The following OR56A1 variants were observed in gnomAD, a reference collection of about 807,000 sequenced individuals.
OR56A1 encodes the protein olfactory receptor 56A1.
For synonymous variants in OR56A1, 174 were observed against 159.1 expected (o/e 1.09, Z -0.70); for missense variants, 360 against 380.9 (o/e 0.94, Z 0.46).
At chr11:6,028,132 A>G (rs1208893906) in intron 1 of OR56A1, among the ~76,000 whole-genome samples, 1 of 152,126 alleles carries the variant, frequency 6.6e-6, no homozygotes, top group Non-Finnish European at 1.5e-5. Flanking sequence ...ATATAATTTG[A>G]GATGGATATT....
At chr11:6,029,175 A>G (rs1426105156) in intron 1 of OR56A1, among the ~76,000 whole-genome samples, 1 of 152,136 alleles carries the variant, frequency 6.6e-6, no homozygotes, top group African/African-American at 2.4e-5. Context: ...GAAATTACTT[A>G]ATGAGAATAA....
At chr11:6,033,847 G>T (rs1323982492), upstream of OR56A1, among the ~76,000 whole-genome samples, 1 of 152,132 alleles carries the variant, frequency 6.6e-6, no homozygotes. Context: ...ATTTTAAACT[G>T]CTCTTCTGAG....
intron 1 of OR56A1, among the ~76,000 whole-genome samples, chr11:6,028,920 T>C (rs1490851728): frequency 7.2e-6 from 1 of 138,002 alleles, no homozygotes; most frequent in Non-Finnish European, 1.7e-5. Flanking sequence ...ATAAAGAAAA[T>C]ATGGCATACA....
At chr11:6,031,738 C>G (rs577252114), upstream of OR56A1, among the ~76,000 whole-genome samples, 17 of 152,060 alleles carry the variant, frequency 1.1e-4, no homozygotes, top group Admixed American at 2.0e-4. Flanking sequence ...AATCGCCACA[C>G]ATAGATTTGT....
At position 6,020,615 on chromosome 11, in the gene OR56A1, G is replaced by A. The variant is rs1183390130; in HGVS notation, c.*6133C>T. ...TTCTAATTTGAATCTCAGTTTGGCT[G>A]TTGTTGTTATGTAGGAATGCTAGTG... On this transcript the variant is annotated 3_prime_UTR_variant, in exon 2 of 2. Coordinates refer to ENST00000641900, the MANE Select transcript of OR56A1 (RefSeq NM_001388488.1). The A allele has an allele frequency of 6.6e-6, 1 of 152,090 alleles. No individual in the cohort carries two copies. The highest frequency in any genetic ancestry group is 1.5e-5 in the Non-Finnish European group (1 of 67,960). 9.4% of individuals were successfully genotyped at this position (152,090 alleles called of 1,614,324 possible). A position where few individuals can be genotyped will look rare whatever the true frequency, so the allele number is the denominator to read the frequency against.
intron 1 of OR56A1, among the ~76,000 whole-genome samples, chr11:6,028,720 A>G (rs1848482082): frequency 6.6e-6 from 1 of 152,226 alleles, no homozygotes; most frequent in Admixed American, 6.5e-5. Flanking sequence ...AAAGGAAAAC[A>G]GTATGGAAAT....
Position 6,026,006 on chromosome 11 carries a change from T to C in OR56A1, c.*742A>G, listed in dbSNP as rs559595159. The stretch of plus-strand genomic sequence containing the variant: ...GACTTGATATTCAGTTCACTGAATG[T>C]GTAGCTTAAACATATAGGGAAAGTG... On this transcript the variant is annotated 3_prime_UTR_variant, in exon 2 of 2. Transcript: ENST00000641900. 6.6e-6 allele frequency: 1 copy of C among 152,334 alleles called. No individual in the cohort carries two copies. The highest frequency in any genetic ancestry group is 1.9e-4 in the East Asian group (1 of 5,174). 9.4% of individuals were successfully genotyped at this position (152,334 alleles called of 1,614,324 possible).
chr11:6,030,300 A>T (rs1848499797), intron 1 of OR56A1, among the ~76,000 whole-genome samples: 1 of 152,208 alleles, frequency 6.6e-6, no homozygotes, highest in South Asian at 2.1e-4. Context: ...AAAATATTTC[A>T]GTGGCTTCTC....
chr11:6,022,901 A>T lies in OR56A1; in HGVS notation c.*3847T>A, dbSNP rs1244131472. The T allele has an allele frequency of 6.6e-6, 1 of 152,196 alleles. No individual in the cohort carries two copies. The allele number at this position is 152,196 out of a possible 1,614,324, so 9.4% of individuals were successfully genotyped here. A position where few individuals can be genotyped will look rare whatever the true frequency, so the allele number is the denominator to read the frequency against. ...TGCTGATAGTGTAATATGTTATGAA[A>T]CACTAAGGATATTCACTATTCTTAT... is the stretch of plus-strand genomic sequence containing the variant. On this transcript the variant is annotated 3_prime_UTR_variant, in exon 2 of 2. Transcript: ENST00000641900.
At chr11:6,029,300 CTT>C (rs1374519939) in intron 1 of OR56A1, among the ~76,000 whole-genome samples, 2 of 152,146 alleles carry the variant, frequency 1.3e-5, no homozygotes, top group Non-Finnish European at 2.9e-5. Context: ...TTTTGTAAGA[CTT>C]ATAAATAATG....
chr11:6,027,291 C>A lies in OR56A1; in HGVS notation c.402G>T (p.Arg134=). ...DRYVAICHPL[R]YPSIITNQFV... is the part of the protein sequence containing the mutation. ...ATTGATTAGTGATGATGGATGGGTA[C>A]CGCAGTGGGTGGCAGATGGCCACAT... is the stretch of plus-strand genomic sequence containing the variant. The change falls in exon 2 of 2, where the codon CGG becomes CGT. Residue 134 remains arginine (R), a synonymous_variant. Coordinates refer to ENST00000641900, the MANE Select transcript of OR56A1 (RefSeq NM_001388488.1). 6 of 1,614,230 alleles carry A rather than the reference C, an allele frequency of 3.7e-6. No homozygotes were observed. The highest frequency in any genetic ancestry group is 5.1e-6 in the Non-Finnish European group (6 of 1,180,048).
intron 1 of OR56A1, among the ~76,000 whole-genome samples, chr11:6,028,499 C>T (rs528819844): frequency 1.3e-5 from 2 of 152,048 alleles, no homozygotes; most frequent in African/African-American, 4.8e-5. Context: ...TCAAATACCA[C>T]GTCATGGAGA....
rs115390999 is a variant in OR56A1, at chr11:6,021,586, T to C, written c.*5162A>G. 1.1e-3 allele frequency: 167 copies of C among 152,068 alleles called. No homozygotes were observed. Among genetic ancestry groups the C allele is most frequent in the African/African-American group, 3.0e-3 (124 of 41,530 alleles). The allele number at this position is 152,068 out of a possible 1,614,324, so 9.4% of individuals were successfully genotyped here. ...ATACTAATATTTTATAAGTAGAAAG[T>C]AGGTTCAAATGCAGTGTCACTCCAA... is the stretch of plus-strand genomic sequence containing the variant. On this transcript the variant is annotated 3_prime_UTR_variant, in exon 2 of 2. Transcript: ENST00000641900.
chr11:6,031,404 A>G (rs973842369), upstream of OR56A1, among the ~76,000 whole-genome samples: 1 of 152,198 alleles, frequency 6.6e-6, no homozygotes, highest in Non-Finnish European at 1.5e-5. Flanking sequence ...CAGAAAGATC[A>G]CTCTGGACAC....
In OR56A1 at chr11:6,026,746, A is replaced by T; in HGVS notation, c.*2T>A. On this transcript the variant is annotated 3_prime_UTR_variant, in exon 2 of 2. Coordinates refer to ENST00000641900, the MANE Select transcript of OR56A1 (RefSeq NM_001388488.1). The stretch of plus-strand genomic sequence containing the variant: ...AGGAGGTATTAGAAATGCTTTACAT[A>T]TTCACCTCCCTCTCTGCAGTAACTT... The T allele has an allele frequency of 6.5e-7, 1 of 1,533,606 alleles. No homozygotes were observed. The highest frequency in any genetic ancestry group is 8.9e-7 in the Non-Finnish European group (1 of 1,120,360). 95.0% of individuals were successfully genotyped at this position (1,533,606 alleles called of 1,614,324 possible).
Position 6,020,654 on chromosome 11 carries a change from A to C in OR56A1, c.*6094T>G, listed in dbSNP as rs890391282. ...GGAATGCTAGTGATTTTTGTACATT[A>C]ATTTTGTATCCTGCAACTTTACTAA... On this transcript the variant is annotated 3_prime_UTR_variant, in exon 2 of 2. Coordinates refer to ENST00000641900, the MANE Select transcript of OR56A1 (RefSeq NM_001388488.1). 1 of 152,000 alleles carries C rather than the reference A, an allele frequency of 6.6e-6. No individual in the cohort carries two copies. The highest frequency in any genetic ancestry group is 1.5e-5 in the Non-Finnish European group (1 of 67,928). 9.4% of individuals were successfully genotyped at this position (152,000 alleles called of 1,614,324 possible).
rs141422763 is a variant in OR56A1 at position 6,024,336 on chromosome 11, C to T, written c.*2412G>A. 3.4e-3 allele frequency: 515 copies of T among 152,252 alleles called. 6 individuals carry two copies. Among genetic ancestry groups the T allele is most frequent in the African/African-American group, 0.012 (496 of 41,538 alleles). The allele number at this position is 152,252 out of a possible 1,614,324, so 9.4% of individuals were successfully genotyped here. A position where few individuals can be genotyped will look rare whatever the true frequency, so the allele number is the denominator to read the frequency against. On this transcript the variant is annotated 3_prime_UTR_variant, in exon 2 of 2. Transcript: ENST00000641900. ...CTATGTACACCCAGTTTGAGTCAAG[C>T]ATCTCATAATTGTGTTGGCCATTTG...
At chr11:6,028,032 A>T (rs1011852957) in intron 1 of OR56A1, among the ~76,000 whole-genome samples, 1 of 152,174 alleles carries the variant, frequency 6.6e-6, no homozygotes, top group Non-Finnish European at 1.5e-5. Context: ...TTACCAGTGT[A>T]AGAAAAGCAA....
Position 6,021,950 on chromosome 11 carries a change from TAG to T in OR56A1, c.*4796_*4797del, listed in dbSNP as rs1356310210. On this transcript the variant is annotated 3_prime_UTR_variant, in exon 2 of 2. Transcript: ENST00000641900. ...TGGAAATCATCTGCTCCGCCATTAA[TAG>T]AGAGACAGAATATCACTGGTGAAAG... 1 of 152,142 alleles carries T rather than the reference TAG, an allele frequency of 6.6e-6. No individual in the cohort carries two copies. Among genetic ancestry groups the T allele is most frequent in the African/African-American group, 2.4e-5 (1 of 41,436 alleles). 9.4% of individuals were successfully genotyped at this position (152,142 alleles called of 1,614,324 possible).
Sources: gnomAD v4.1 joint callset for allele counts (sites outside exome capture counted in the v4.1 genomes callset) on GRCh38, gnomAD v4.1.1 for gene constraint, MANE v1.5 for transcripts, NCBI Gene and HGNC (gene_info 2026-07-23, HGNC 2026-07-21) for gene names.